Variants in REPS2 observed in about 807,000 individuals in gnomAD.
REPS2 encodes ralBP1-associated Eps domain-containing protein 2.
In REPS2, 23 loss-of-function variants were observed where a neutral mutation model predicts 53.6. The observed-to-expected ratio is 0.43, with a 90% CI of 0.31 to 0.61. The LOEUF is 0.61. Ranked by LOEUF, REPS2 falls within the 20% of genes least tolerant of loss-of-function variation. REPS2 has a pLI of 0.11. For missense variants in REPS2, 446 were observed against 534.9 expected (o/e 0.83, Z 1.64); for synonymous variants, 238 against 218.6 (o/e 1.09, Z -0.78).
chrX:17,062,582 C>A, intron 9 of REPS2, 50 bp downstream of exon 9: 1 of 905,802 alleles, frequency 1.1e-6, no homozygotes. Flanking sequence ...GGAGCTAAAT[C>A]CATTGGCCTA....
intron 1 of REPS2, among the ~76,000 whole-genome samples, chrX:16,998,506 A>G (rs1296062075): frequency 9.0e-6 from 1 of 111,627 alleles, no homozygotes; most frequent in African/African-American, 3.3e-5. Flanking sequence ...TTTCTTTTTC[A>G]CACTTTAGCA....
intron 5 of REPS2, among the ~76,000 whole-genome samples, chrX:17,031,123 C>T (rs1213336532): frequency 1.8e-5 from 2 of 112,122 alleles, no homozygotes; most frequent in African/African-American, 3.2e-5. Context: ...CCTTTAAACA[C>T]GAGAATCACA....
intron 16 of REPS2, 21 bp downstream of exon 16, chrX:17,135,427 A>G: frequency 8.4e-7 from 1 of 1,193,151 alleles, no homozygotes; most frequent in African/African-American, 1.8e-5. Context: ...CACATAAACA[A>G]GAGTGAGGTA....
chrX:17,093,596 T>G (rs1215886645), intron 13 of REPS2, among the ~76,000 whole-genome samples: 8 of 110,494 alleles, frequency 7.2e-5, no homozygotes, highest in African/African-American at 2.3e-4. Flanking sequence ...TGGTATTTCC[T>G]TCGTAATTCT....
At chrX:16,957,235 C>T (rs747017971) in intron 1 of REPS2, among the ~76,000 whole-genome samples, 43 of 110,255 alleles carry the variant, frequency 3.9e-4, no homozygotes, top group Non-Finnish European at 7.0e-4. Context: ...AATAGGGAGA[C>T]GCTGTCTCTA....
chrX:17,183,419 A>G, the REPS2 span, among the ~76,000 whole-genome samples: 6 of 112,582 alleles, frequency 5.3e-5, no homozygotes, highest in Non-Finnish European at 1.1e-4. Flanking sequence ...AAACTCCTCA[A>G]TAAAAGTTGT....
At position 17,062,545 on chromosome X, in the gene REPS2, C is replaced by T; in HGVS notation, c.1209+13C>T. On this transcript the variant is annotated intron_variant, in intron 9 of 17. Coordinates refer to ENST00000357277, the MANE Select transcript of REPS2 (RefSeq NM_004726.3). ...GAATCGGATGGAGGTAAAAGATCTT[C>T]ATATGCTAATAAATAAGGATGTGTA... 1 of 1,134,841 alleles carries T rather than the reference C, an allele frequency of 8.8e-7. No homozygotes were observed. Among genetic ancestry groups the T allele is most frequent in the Non-Finnish European group, 1.2e-6 (1 of 832,527 alleles). 93.5% of individuals were successfully genotyped at this position (1,134,841 alleles called of 1,213,427 possible). A position where few individuals can be genotyped will look rare whatever the true frequency, so the allele number is the denominator to read the frequency against.
intron 13 of REPS2, among the ~76,000 whole-genome samples, chrX:17,100,556 G>A (rs948832627): frequency 6.2e-5 from 7 of 112,209 alleles, no homozygotes; most frequent in South Asian, 7.3e-4. Flanking sequence ...TGCCTGCACC[G>A]CCTTCATAAT....
intron 14 of REPS2, among the ~76,000 whole-genome samples, chrX:17,129,440 G>A (rs1390627744): frequency 2.7e-5 from 3 of 111,148 alleles, no homozygotes; most frequent in Non-Finnish European, 3.8e-5. Context: ...CCTTATTCTG[G>A]GACCTTCCTA....
intron 13 of REPS2, among the ~76,000 whole-genome samples, chrX:17,078,638 T>C (rs2062412568): frequency 8.9e-6 from 1 of 112,101 alleles, no homozygotes; most frequent in African/African-American, 3.2e-5. Flanking sequence ...GATTTTCCTA[T>C]GGATGCGAGA....
At chrX:17,009,617 T>C (rs1399426363) in intron 2 of REPS2, among the ~76,000 whole-genome samples, 1 of 111,140 alleles carries the variant, frequency 9.0e-6, no homozygotes, top group Non-Finnish European at 1.9e-5. Context: ...GGTCTTGTTA[T>C]GTTTCCCAGG....
chrX:17,149,971 CA>C lies in REPS2; in HGVS notation c.*2491del, dbSNP rs1306783437. On this transcript the variant is annotated 3_prime_UTR_variant, in exon 18 of 18. Coordinates refer to ENST00000357277, the MANE Select transcript of REPS2 (RefSeq NM_004726.3). ...CAATATTTTAAGATAGGCGAGCACA[CA>C]CTAATAATATCTATGCCTACCTTCT... 9.0e-6 allele frequency: 1 copy of C among 111,648 alleles called. No individual in the cohort carries two copies. Among genetic ancestry groups the C allele is most frequent in the African/African-American group, 3.3e-5 (1 of 30,646 alleles). The allele number at this position is 111,648 out of a possible 1,213,427, so 9.2% of individuals were successfully genotyped here.
intron 2 of REPS2, among the ~76,000 whole-genome samples, chrX:17,013,328 G>T (rs1569125494): frequency 8.9e-6 from 1 of 111,882 alleles, no homozygotes; most frequent in African/African-American, 3.3e-5. Context: ...TAGTTTTTTT[G>T]TTTTTTTAAT....
chrX:16,949,730 A>AT (rs368437089), intron 1 of REPS2, among the ~76,000 whole-genome samples: 173 of 104,405 alleles, frequency 1.7e-3, no homozygotes, highest in Middle Eastern at 4.9e-3. Context: ...TTAATAGACT[A>AT]TTTTTTTTTT....
chrX:17,134,943 T>G (rs1054407804), intron 15 of REPS2, among the ~76,000 whole-genome samples: 1 of 111,310 alleles, frequency 9.0e-6, no homozygotes, highest in African/African-American at 3.3e-5. Context: ...TTAAAAGGCT[T>G]CAAAGTGAGG....
chrX:17,179,813 C>T, the REPS2 span, among the ~76,000 whole-genome samples: 460 of 110,820 alleles, frequency 4.2e-3, 1 homozygote, highest in Non-Finnish European at 6.6e-3. Flanking sequence ...GGAAAAAAAC[C>T]CTTGAAGCAA....
In REPS2 at chrX:17,025,056, A is replaced by G; in HGVS notation, c.547-3A>G. 1.7e-6 allele frequency: 2 copies of G among 1,211,846 alleles called. No individual in the cohort carries two copies. The highest frequency in any genetic ancestry group is 3.5e-5 in the African/African-American group (2 of 57,832). Reference sequence around the variant, plus strand: ...CTCTGAACTCTGATCTGGTTCTTTGAAGCAGGAAACACAGTCTCCCACGAT... The same window carrying G: ...CTCTGAACTCTGATCTGGTTCTTTGGAGCAGGAAACACAGTCTCCCACGAT... On this transcript the variant is annotated splice_polypyrimidine_tract_variant and splice_region_variant and intron_variant, in intron 3 of 17. Transcript: ENST00000357277.
At chrX:17,160,197 T>C in the REPS2 span, among the ~76,000 whole-genome samples, 1 of 112,520 alleles carries the variant, frequency 8.9e-6, no homozygotes, top group African/African-American at 3.2e-5. Flanking sequence ...GTTTGTTCTT[T>C]TTCTTTTTAG....
intron 2 of REPS2, among the ~76,000 whole-genome samples, chrX:17,013,298 C>T (rs766097523): frequency 4.2e-4 from 47 of 112,412 alleles, no homozygotes; most frequent in African/African-American, 1.5e-3. Context: ...ATCCTGCTGC[C>T]TTGCTTCCTG....
Sources: gnomAD v4.1 joint callset for allele counts (sites outside exome capture counted in the v4.1 genomes callset) on GRCh38, gnomAD v4.1.1 for gene constraint, MANE v1.5 for transcripts, NCBI Gene and HGNC (gene_info 2026-07-23, HGNC 2026-07-21) for gene names.